Variants in IL3RA observed in about 807,000 individuals in gnomAD.
The protein encoded by IL3RA is interleukin 3 receptor subunit alpha, also known as interleukin-3 receptor subunit alpha.
IL3RA carries 73 observed loss-of-function variants against 52.3 expected under a neutral mutation model. That is an observed-to-expected ratio of 1.40 (90% CI 1.16 to 1.70). The LOEUF is 1.70. Ranked by LOEUF, IL3RA falls within the 40% of genes most tolerant of loss-of-function variation. The pLI, the probability that IL3RA is intolerant of heterozygous loss-of-function variation, is 0.00. For synonymous variants in IL3RA, 260 were observed against 194.0 expected, an observed-to-expected ratio of 1.34 and a Z score of -2.83; for missense variants, 664 against 504.4, an observed-to-expected ratio of 1.32 and a Z score of -3.03.
intron 4 of IL3RA, among the ~76,000 whole-genome samples, chrX:1,351,459 G>A (rs1406903053): frequency 6.6e-6 from 1 of 151,512 alleles, no homozygotes; most frequent in African/African-American, 2.4e-5. Flanking sequence ...CTCCCTAGTA[G>A]CTGGGATTAC....
At position 1,348,331 on chromosome X, in the gene IL3RA, C is replaced by T. The variant is rs1415023237; in HGVS notation, c.184-100C>T. The T allele has an allele frequency of 3.7e-5, 34 of 909,046 alleles. 1 individual carries two copies. The highest frequency in any genetic ancestry group is 1.4e-4 in the East Asian group (6 of 41,384). The allele number at this position is 909,046 out of a possible 1,614,324, so 56.3% of individuals were successfully genotyped here. A position where few individuals can be genotyped will look rare whatever the true frequency, so the allele number is the denominator to read the frequency against. ...TCACGCCACTGCACTCCAGCGTGGG[C>T]GACGAGAGCGAAACTCTGCCTCAAA... is the stretch of plus-strand genomic sequence containing the variant. On this transcript the variant is annotated intron_variant, in intron 3 of 11. Coordinates refer to ENST00000331035, the MANE Select transcript of IL3RA (RefSeq NM_002183.4).
At chrX:1,350,906 C>T (rs1310850288) in intron 4 of IL3RA, among the ~76,000 whole-genome samples, 11 of 140,618 alleles carry the variant, frequency 7.8e-5, no homozygotes, top group African/African-American at 3.0e-4. Context: ...CACACAGATG[C>T]ACACACACGC....
intron 6 of IL3RA, among the ~76,000 whole-genome samples, chrX:1,354,077 C>G (rs1569522316): frequency 2.7e-5 from 4 of 149,744 alleles, no homozygotes; most frequent in African/African-American, 4.9e-5. Flanking sequence ...ATGGGAGCCC[C>G]CATCATGAGT....
intron 2 of IL3RA, 73 bp from the exon 3 acceptor site, chrX:1,345,243 A>AAC (rs2085688877): frequency 5.2e-6 from 5 of 961,192 alleles, no homozygotes; most frequent in Non-Finnish European, 6.3e-6. Flanking sequence ...CAAAAAAAAA[A>AAC]AACCATACCC....
At chrX:1,377,666 TG>T (rs1403575429) in intron 9 of IL3RA, among the ~76,000 whole-genome samples, 5 of 149,360 alleles carry the variant, frequency 3.3e-5, no homozygotes, top group East Asian at 3.9e-4. Flanking sequence ...CATAGATGTA[TG>T]TTTTTTTTTT....
intron 8 of IL3RA, among the ~76,000 whole-genome samples, chrX:1,361,590 A>C (rs2087369627): frequency 6.6e-6 from 1 of 151,378 alleles, no homozygotes. Flanking sequence ...CTCTACTAAA[A>C]ATAAAAAAAA....
intron 9 of IL3RA, among the ~76,000 whole-genome samples, chrX:1,367,710 G>GGGGTGAGCGGGGTGCGCC (rs1569526915): frequency 1.8e-5 from 2 of 114,108 alleles, no homozygotes; most frequent in South Asian, 3.0e-4. Flanking sequence ...CCGGGTGCGC[G>GGGGTGAGCGGGGTGCGCC]GGGTGAGCGG....
At chrX:1,368,412 CTG>C (rs2088348100) in intron 9 of IL3RA, among the ~76,000 whole-genome samples, 2 of 152,014 alleles carry the variant, frequency 1.3e-5, no homozygotes, top group African/African-American at 2.4e-5. Context: ...TGGAAAAACC[CTG>C]TCTCTACTAA....
chrX:1,348,662 CTT>C lies in IL3RA; in HGVS notation c.298+119_298+120del, dbSNP rs1259073940. ...TCTTTTTCTCTTTCTTTCTTTCTTT[CTT>C]TCTTTCTTTCTTTCTTTCTTTCTTT... On this transcript the variant is annotated intron_variant, in intron 4 of 11. Coordinates refer to ENST00000331035, the MANE Select transcript of IL3RA (RefSeq NM_002183.4). 3.6e-5 allele frequency: 16 copies of C among 444,466 alleles called. 1 individual carries two copies. The African/African-American group carries it at 3.9e-4, about 11-fold the overall frequency. The allele number at this position is 444,466 out of a possible 1,614,324, so 27.5% of individuals were successfully genotyped here.
In IL3RA at chrX:1,348,561, ATTGT is replaced by A. The variant is rs755642586; in HGVS notation, c.298+23_298+26del. 8.2e-6 allele frequency: 13 copies of A among 1,586,380 alleles called. No homozygotes were observed. Among genetic ancestry groups the A allele is most frequent in the South Asian group, 2.2e-5 (2 of 90,564 alleles). Reference sequence around the variant, plus strand: ...CCTGAGAACAGTGAGAAAAATGTTCATTGTTTGTTTATTCTCTATTCCCTCCCTC... The same window carrying A: ...CCTGAGAACAGTGAGAAAAATGTTCATTGTTTATTCTCTATTCCCTCCCTC... On this transcript the variant is annotated intron_variant, in intron 4 of 11. Transcript: ENST00000331035.
At chrX:1,360,113 CT>C (rs1284411201) in intron 8 of IL3RA, among the ~76,000 whole-genome samples, 5 of 149,320 alleles carry the variant, frequency 3.3e-5, no homozygotes, top group African/African-American at 7.4e-5. Flanking sequence ...CTATCTCCCC[CT>C]CTCCCCGTCT....
intron 4 of IL3RA, 139 bp downstream of exon 4, chrX:1,348,684 TTCTTTCTTTTTC>T (rs1386393505): frequency 1.5e-5 from 4 of 272,624 alleles, no homozygotes; most frequent in South Asian, 4.7e-5. Context: ...CTTTCTTTCT[TTCTTTCTTTTTC>T]TTTCTTTCTG....
At chrX:1,364,126 T>C (rs2087722881) in intron 8 of IL3RA, among the ~76,000 whole-genome samples, 1 of 149,648 alleles carries the variant, frequency 6.7e-6, no homozygotes, top group African/African-American at 2.5e-5. Context: ...AAGCGGAGCT[T>C]GCAGTGAGCC....
At chrX:1,363,657 G>T (rs1455357634) in intron 8 of IL3RA, among the ~76,000 whole-genome samples, 2 of 151,850 alleles carry the variant, frequency 1.3e-5, no homozygotes, top group Non-Finnish European at 2.9e-5. Flanking sequence ...AATTTTGGGG[G>T]ATCACAATGC....
In IL3RA at chrX:1,381,039, A is replaced by G; in HGVS notation, c.997A>G (p.Arg333Gly). The G allele has an allele frequency of 6.2e-7, 1 of 1,613,792 alleles. No homozygotes were observed. The highest frequency in any genetic ancestry group is 1.3e-5 in the African/African-American group (1 of 75,010). Residue 333 changes from arginine to glycine, a missense_variant, in exon 11 of 12, where the codon AGA (arginine) becomes GGA (glycine). Coordinates refer to ENST00000331035, the MANE Select transcript of IL3RA (RefSeq NM_002183.4). ...VICRRYLVMQ[R>G]LFPRIPHMKD... ...TCCTCCGAGGTATCTGGTGATGCAG[A>G]GACTCTTTCCCCGCATCCCTCACAT...
At chrX:1,343,064 G>T (rs1478216224) in intron 2 of IL3RA, among the ~76,000 whole-genome samples, 4 of 151,836 alleles carry the variant, frequency 2.6e-5, no homozygotes, top group African/African-American at 7.2e-5. Context: ...GACAGAGTGA[G>T]ACTCCGTCTC....
intron 8 of IL3RA, among the ~76,000 whole-genome samples, chrX:1,362,926 C>T (rs184618967): frequency 7.2e-5 from 11 of 152,152 alleles, no homozygotes; most frequent in African/African-American, 2.4e-4. Flanking sequence ...CAGGTGCACA[C>T]CACCACGCCT....
chrX:1,348,658 CTTTCTT>C, intron 4 of IL3RA, 113 bp downstream of exon 4: 3 of 428,394 alleles, frequency 7.0e-6, no homozygotes, highest in East Asian at 3.6e-5. Flanking sequence ...TTCTTTCTTT[CTTTCTT>C]TCTTTCTTTC....
At chrX:1,343,402 C>G (rs766524040) in intron 2 of IL3RA, among the ~76,000 whole-genome samples, 1 of 151,900 alleles carries the variant, frequency 6.6e-6, no homozygotes, top group Non-Finnish European at 1.5e-5. Flanking sequence ...CAACGGCTCA[C>G]GTCTGTAATC....
Sources: allele counts gnomAD v4.1 joint callset (sites outside exome capture counted in the v4.1 genomes callset), GRCh38; gene constraint gnomAD v4.1.1; transcripts MANE v1.5; gene names NCBI Gene and HGNC (gene_info 2026-07-23, HGNC 2026-07-21).